The following AGFG2 variants were observed in gnomAD, a reference collection of about 807,000 sequenced individuals.
AGFG2 encodes the protein arf-GAP domain and FG repeat-containing protein 2.
In AGFG2, 31 loss-of-function variants were observed where a neutral mutation model predicts 48.0. That is an observed-to-expected ratio of 0.65 (90% CI 0.49 to 0.87). The LOEUF is 0.87. AGFG2 is among the 40% of genes least tolerant of loss of function. The pLI is 0.00. For missense variants in AGFG2, 599 were observed against 632.6 expected (o/e 0.95, Z 0.57); for synonymous variants, 229 against 260.8 (o/e 0.88, Z 1.18).
intron 3 of AGFG2, among the ~76,000 whole-genome samples, chr7:100,551,030 T>TTTTA (rs1378400368): frequency 1.1e-4 from 6 of 56,030 alleles, no homozygotes; most frequent in Admixed American, 7.8e-4. Flanking sequence ...CCTGGCTAAT[T>TTTTA]TATATATATA....
At chr7:100,551,066 A>ATTTTTTTTTT (rs1800631293) in intron 3 of AGFG2, among the ~76,000 whole-genome samples, 1 of 69,712 alleles carries the variant, frequency 1.4e-5, no homozygotes. Flanking sequence ...ATATATATAT[A>ATTTTTTTTTT]TTTCTTTTTT....
At chr7:100,550,337 G>A in intron 2 of AGFG2, 59 bp from the exon 3 acceptor site, 1 of 989,078 alleles carries the variant, frequency 1.0e-6, no homozygotes, top group Non-Finnish European at 1.5e-6. Context: ...AAAAGGAAGT[G>A]GTATTTTTTG....
chr7:100,560,728 C>T (rs1423563606), intron 6 of AGFG2, among the ~76,000 whole-genome samples: 1 of 151,870 alleles, frequency 6.6e-6, no homozygotes, highest in Non-Finnish European at 1.5e-5. Flanking sequence ...TTCGTCTTCC[C>T]TACTAGATTC....
intron 1 of AGFG2, among the ~76,000 whole-genome samples, chr7:100,542,608 G>GT (rs1800442965): frequency 6.6e-6 from 1 of 152,214 alleles, no homozygotes; most frequent in African/African-American, 2.4e-5. Flanking sequence ...TCTTAACACA[G>GT]TATTACCTGT....
Position 100,554,096 on chromosome 7 carries a change from G to T in AGFG2, c.589G>T (p.Val197Phe). 1.2e-6 allele frequency: 2 copies of T among 1,612,706 alleles called. No individual in the cohort carries two copies. Among genetic ancestry groups the T allele is most frequent in the South Asian group, 2.2e-5 (2 of 90,950 alleles). Residue 197 changes from valine (V) to phenylalanine (F), a missense_variant, in exon 5 of 12, where the codon GTC becomes TTC. By Grantham distance (50) the Val-to-Phe change is conservative (BLOSUM62 -1). Transcript: ENST00000300176. ...SVAASTSSQPVSQSHARTSQA... is the reference protein window; with the variant it reads ...SVAASTSSQPFSQSHARTSQA... ...TATGCATTCCTTCTCCTCCAAGCCC[G>T]TCAGTCAGTCTCACGCTCGGACATC...
At chr7:100,548,994 T>C in intron 2 of AGFG2, 79 bp downstream of exon 2, 2 of 1,194,324 alleles carry the variant, frequency 1.7e-6, no homozygotes, top group East Asian at 2.3e-5. Flanking sequence ...AGGGAAACCT[T>C]ACGGTTTTAT....
At chr7:100,551,048 A>T (rs1194419956) in intron 3 of AGFG2, among the ~76,000 whole-genome samples, 1 of 75,558 alleles carries the variant, frequency 1.3e-5, no homozygotes, top group Admixed American at 1.3e-4. Flanking sequence ...ATATATATAT[A>T]TATATATATA....
At chr7:100,555,274 T>G (rs1285639493) in intron 5 of AGFG2, among the ~76,000 whole-genome samples, 1 of 137,790 alleles carries the variant, frequency 7.3e-6, no homozygotes, top group East Asian at 2.1e-4. Context: ...TTTTTTTTTT[T>G]TTTTTTTTTT....
intron 6 of AGFG2, among the ~76,000 whole-genome samples, chr7:100,561,732 AG>A (rs1800878991): frequency 6.6e-6 from 1 of 152,194 alleles, no homozygotes; most frequent in Admixed American, 6.5e-5. Flanking sequence ...CTCCAGGCTC[AG>A]GGCACTGGGG....
rs944262986 is a variant in AGFG2, at chr7:100,562,095, T to C, written c.878-164T>C. Among the ~76,000 whole-genome samples, 4 of 151,664 alleles carry C rather than the reference T, an allele frequency of 2.6e-5. No individual in the cohort carries two copies. Among genetic ancestry groups the C allele is most frequent in the Non-Finnish European group, 5.9e-5 (4 of 67,896 alleles). On this transcript the variant is annotated intron_variant, in intron 6 of 11. Transcript: ENST00000300176. This position sits in a 1 kb window ranked among gnomAD's most constrained non-coding sequence, Gnocchi z 5.4. ...ACTCTTGGTGGGAGACAAGACCTCC[T>C]GAACTGGGTGGTCCCTGAGAAAATG...
intron 2 of AGFG2, 91 bp from the exon 3 acceptor site, chr7:100,550,305 C>CA (rs61255061): frequency 0.086 from 24,770 of 286,716 alleles, 17 homozygotes; most frequent in South Asian, 0.1. Flanking sequence ...GACTCCGTCT[C>CA]AAAAAAAAAA....
At chr7:100,542,826 G>A (rs1021077907) in intron 1 of AGFG2, among the ~76,000 whole-genome samples, 2 of 152,172 alleles carry the variant, frequency 1.3e-5, no homozygotes, top group Admixed American at 1.3e-4. Context: ...CAGCCTGCAT[G>A]TTTATTCATT....
rs938821142 is a variant in AGFG2 at position 100,565,662 on chromosome 7, A to G, written c.*671A>G. ...AGGATTTTCTAATATAGCCTATTATATATAAATAGATCTATCTATATGCAC... is the reference window on the plus strand; with the variant it reads ...AGGATTTTCTAATATAGCCTATTATGTATAAATAGATCTATCTATATGCAC... On this transcript the variant is annotated 3_prime_UTR_variant, in exon 12 of 12. Transcript: ENST00000300176. The G allele has an allele frequency of 2.6e-5, 4 of 153,050 alleles. No individual in the cohort carries two copies. Among genetic ancestry groups the G allele is most frequent in the Non-Finnish European group, 5.8e-5 (4 of 68,392 alleles). 9.5% of individuals were successfully genotyped at this position (153,050 alleles called of 1,614,324 possible). A position where few individuals can be genotyped will look rare whatever the true frequency, so the allele number is the denominator to read the frequency against.
chr7:100,563,467 G>A (rs888133055), intron 9 of AGFG2, among the ~76,000 whole-genome samples: 4 of 152,192 alleles, frequency 2.6e-5, no homozygotes, highest in Non-Finnish European at 5.9e-5. Context: ...TGAGGGCTTC[G>A]TGGCCCTGAT....
At chr7:100,546,473 C>T (rs1380338021) in intron 1 of AGFG2, among the ~76,000 whole-genome samples, 1 of 152,208 alleles carries the variant, frequency 6.6e-6, no homozygotes, top group Non-Finnish European at 1.5e-5. Flanking sequence ...CTCCCTGATC[C>T]ATCAGTGCCT....
In AGFG2 at chr7:100,563,830, A is replaced by G. The variant is rs780705501; in HGVS notation, c.1172-4A>G. ...ACCTGAGCCTCCCGTCTTTCACTCC[A>G]TAGGGCCCGGCTTTGGGATGAGCAG... On this transcript the variant is annotated splice_region_variant and splice_polypyrimidine_tract_variant and intron_variant, in intron 9 of 11. Transcript: ENST00000300176. 1 of 1,611,212 alleles carries G rather than the reference A, an allele frequency of 6.2e-7. No homozygotes were observed. The highest frequency in any genetic ancestry group is 1.1e-5 in the South Asian group (1 of 91,066).
chr7:100,551,885 C>CAAA (rs59484677), intron 3 of AGFG2, among the ~76,000 whole-genome samples: 4 of 16,854 alleles, frequency 2.4e-4, no homozygotes, highest in African/African-American at 7.1e-4. Flanking sequence ...GAGACTGTCT[C>CAAA]AAAAAAAAAA....
intron 3 of AGFG2, 31 bp from the exon 4 acceptor site, chr7:100,553,316 C>G (rs778119026): frequency 1.2e-6 from 2 of 1,613,730 alleles, no homozygotes; most frequent in Non-Finnish European, 1.7e-6. Context: ...TTTTATCCCT[C>G]TCTTTACAGC....
Position 100,555,665 on chromosome 7 carries a change from C to T in AGFG2, c.807C>T (p.Pro269=), listed in dbSNP as rs141620565. The T allele has an allele frequency of 4.3e-5, 69 of 1,614,168 alleles. 1 individual carries two copies. The African/African-American group carries it at 8.5e-4, about 20-fold the overall frequency. The change falls in exon 6 of 12, where the codon CCC becomes CCT. Residue 269 remains proline (P), a synonymous_variant. Coordinates refer to ENST00000300176, the MANE Select transcript of AGFG2 (RefSeq NM_006076.5). ...ACTTTGATGCCTTTAGCAGTGGCCC[C>T]AGCTCTTCTGTGTTTGGAAGCCTCC... The part of the protein sequence containing the change: ...FANFDAFSSG[P]SSSVFGSLPP...
Sources: allele counts gnomAD v4.1 joint callset (sites outside exome capture counted in the v4.1 genomes callset), GRCh38; gene constraint gnomAD v4.1.1; non-coding constraint Gnocchi (gnomAD v3.1); transcripts MANE v1.5; gene names NCBI Gene and HGNC (gene_info 2026-07-23, HGNC 2026-07-21).